ELOC: variants seen among roughly 807,000 people sequenced by gnomAD.
ELOC encodes elongin C.
For synonymous variants in ELOC, 40 were observed against 51.3 expected (o/e 0.78, Z 0.94); for missense variants, 38 against 139.0 (o/e 0.27, Z 3.65).
chr8:73,959,030 TA>T (rs1814405788), intron 2 of ELOC, among the ~76,000 whole-genome samples: 1 of 152,198 alleles, frequency 6.6e-6, no homozygotes, highest in Admixed American at 6.5e-5. Flanking sequence ...TTTGTGTATC[TA>T]AACATAGAAA....
chr8:73,955,221 C>T (rs1372573363), intron 3 of ELOC, among the ~76,000 whole-genome samples: 1 of 152,168 alleles, frequency 6.6e-6, no homozygotes, highest in Non-Finnish European at 1.5e-5. Context: ...GTAATCCCCG[C>T]ACTTTGCGAA....
chr8:73,955,731 C>G, intron 3 of ELOC, 180 bp downstream of exon 3: 1 of 734,848 alleles, frequency 1.4e-6, no homozygotes, highest in Non-Finnish European at 2.2e-6. Flanking sequence ...CACCATTGCA[C>G]TCCAGCCTGG....
At chr8:73,963,092 A>C (rs931710752) in intron 1 of ELOC, among the ~76,000 whole-genome samples, 2 of 152,228 alleles carry the variant, frequency 1.3e-5, no homozygotes, top group Non-Finnish European at 2.9e-5. Context: ...AAAGAGCATG[A>C]ACAATGGCCT....
intron 1 of ELOC, among the ~76,000 whole-genome samples, chr8:73,960,120 T>G (rs1814490827): frequency 6.6e-6 from 1 of 152,182 alleles, no homozygotes; most frequent in Non-Finnish European, 1.5e-5. Flanking sequence ...TTGTAAAATG[T>G]GACATGTTAA....
intron 1 of ELOC, among the ~76,000 whole-genome samples, chr8:73,967,649 A>T (rs1815085112): frequency 6.6e-6 from 1 of 151,906 alleles, no homozygotes; most frequent in Admixed American, 6.6e-5. Flanking sequence ...TTGTATTTTT[A>T]GTGGAGACAG....
rs866185238 is a variant in ELOC at position 73,957,333 on chromosome 8, T to C, written c.5-1279A>G. Among the ~76,000 whole-genome samples, 18 of 152,314 alleles carry C rather than the reference T, an allele frequency of 1.2e-4. 1 individual carries two copies. Among genetic ancestry groups the C allele is most frequent in the African/African-American group, 4.3e-4 (18 of 41,580 alleles). ...TCTGCTACTGCCATTGCTGCTGTAC[T>C]GGCTTCAGTCACAGTAGCCAGATAT... On this transcript the variant is annotated intron_variant, in intron 2 of 3. Transcript: ENST00000520242.
intron 1 of ELOC, chr8:73,969,622 G>T (rs1428500225): frequency 6.6e-6 from 1 of 152,104 alleles, no homozygotes; most frequent in African/African-American, 2.4e-5. Flanking sequence ...CATCATTTAG[G>T]TCTCCAGGTA....
At chr8:73,956,868 G>A (rs912220752) in intron 2 of ELOC, among the ~76,000 whole-genome samples, 1 of 152,088 alleles carries the variant, frequency 6.6e-6, no homozygotes, top group Non-Finnish European at 1.5e-5. Flanking sequence ...ATGTATTTAG[G>A]CTGGGGGCGG....
chr8:73,970,357 A>G (rs1212268710), intron 1 of ELOC, among the ~76,000 whole-genome samples: 1 of 152,264 alleles, frequency 6.6e-6, no homozygotes, highest in Non-Finnish European at 1.5e-5. Flanking sequence ...ACAATTAAAT[A>G]TCACTTTAGA....
rs1300031645 is a variant in ELOC, at chr8:73,965,382, G to C, written c.-50-5564C>G. On this transcript the variant is annotated intron_variant, in intron 1 of 3. Transcript: ENST00000520242. ...AATGAATTCTCATACACTGCTGATG[G>C]GGAGTCCATCATAATAGGAGAATGG... Among the ~76,000 whole-genome samples the C allele has an allele frequency of 2.8e-5, 4 of 142,074 alleles. No homozygotes were observed. In the East Asian group the frequency reaches 8.0e-4, roughly 29 times the overall value. The allele number at this position is 142,074 out of a possible 152,430, so 93.2% of individuals were successfully genotyped here. A position where few individuals can be genotyped will look rare whatever the true frequency, so the allele number is the denominator to read the frequency against.
intron 1 of ELOC, among the ~76,000 whole-genome samples, chr8:73,961,989 A>C (rs1007344882): frequency 6.6e-6 from 1 of 152,094 alleles, no homozygotes; most frequent in African/African-American, 2.4e-5. Flanking sequence ...TCTGCCTTCC[A>C]GGTTCAAACG....
At chr8:73,963,312 T>C (rs1434399033) in intron 1 of ELOC, among the ~76,000 whole-genome samples, 1 of 152,200 alleles carries the variant, frequency 6.6e-6, no homozygotes, top group Non-Finnish European at 1.5e-5. Context: ...TTTATCATAT[T>C]CTATATTGCT....
intron 1 of ELOC, among the ~76,000 whole-genome samples, chr8:73,968,423 G>C (rs1388342830): frequency 6.6e-6 from 1 of 152,110 alleles, no homozygotes; most frequent in East Asian, 1.9e-4. Context: ...CCCTGCAAAC[G>C]ACCTAATTAT....
chr8:73,971,044 A>G (rs1301006436), intron 1 of ELOC, among the ~76,000 whole-genome samples: 1 of 150,898 alleles, frequency 6.6e-6, no homozygotes, highest in Admixed American at 6.6e-5. Context: ...AAAAAAAAAA[A>G]AAAAAAAGAA....
At chr8:73,971,308 G>A (rs1563692040) in intron 1 of ELOC, among the ~76,000 whole-genome samples, 1 of 152,128 alleles carries the variant, frequency 6.6e-6, no homozygotes, top group East Asian at 1.9e-4. Flanking sequence ...GGCTGAGGCA[G>A]GAGAATCACT....
chr8:73,961,551 T>C (rs1369926740), intron 1 of ELOC, among the ~76,000 whole-genome samples: 1 of 152,174 alleles, frequency 6.6e-6, no homozygotes, highest in African/African-American at 2.4e-5. Context: ...TCTTGCTCTA[T>C]TGCCCAGGCT....
intron 1 of ELOC, among the ~76,000 whole-genome samples, chr8:73,961,001 T>A (rs1220517007): frequency 6.6e-6 from 1 of 152,208 alleles, no homozygotes; most frequent in Non-Finnish European, 1.5e-5. Context: ...TTTACTTAGA[T>A]AAGTACACAT....
intron 3 of ELOC, among the ~76,000 whole-genome samples, chr8:73,949,930 C>T (rs1293648634): frequency 6.6e-6 from 1 of 152,014 alleles, no homozygotes; most frequent in Non-Finnish European, 1.5e-5. Context: ...AAAGTACTTC[C>T]TTGCATTGTC....
chr8:73,957,598 CAT>C (rs899151409), intron 2 of ELOC, among the ~76,000 whole-genome samples: 9 of 152,154 alleles, frequency 5.9e-5, no homozygotes, highest in African/African-American at 2.2e-4. Flanking sequence ...CAAAATCACT[CAT>C]GTGCTCCCAC....
Sources: gnomAD v4.1 joint callset for allele counts (sites outside exome capture counted in the v4.1 genomes callset) on GRCh38, gnomAD v4.1.1 for gene constraint, MANE v1.5 for transcripts, NCBI Gene and HGNC (gene_info 2026-07-23, HGNC 2026-07-21) for gene names.